DLGAP2: variants seen among roughly 807,000 people sequenced by gnomAD.
DLGAP2 encodes the protein DLG associated protein 2, also known as disks large-associated protein 2.
Under a neutral mutation model 100.3 loss-of-function variants are expected in DLGAP2, and 26 were observed. The observed-to-expected ratio is 0.26, with a 90% CI of 0.19 to 0.36. DLGAP2 has a LOEUF of 0.36. Ranked by LOEUF, DLGAP2 falls within the 10% of genes least tolerant of loss-of-function variation. DLGAP2 has a pLI of 1.00. For synonymous variants in DLGAP2, 886 were observed against 630.1 expected (o/e 1.41, Z -6.08); for missense variants, 1,858 against 1,453.2 (o/e 1.28, Z -4.53).
At chr8:1,093,299 T>C (rs565671302) in intron 2 of DLGAP2, among the ~76,000 whole-genome samples, 131 of 119,138 alleles carry the variant, frequency 1.1e-3, no homozygotes, top group African/African-American at 4.1e-3. Context: ...ACCTTCACAC[T>C]GACAGTCAGA....
chr8:1,094,559 T>A (rs1249009578), intron 2 of DLGAP2, among the ~76,000 whole-genome samples: 1 of 152,226 alleles, frequency 6.6e-6, no homozygotes, highest in Non-Finnish European at 1.5e-5. Flanking sequence ...CATCACACCT[T>A]CCAACATGTC....
intron 3 of DLGAP2, among the ~76,000 whole-genome samples, chr8:1,374,106 A>AGGTTAGGTTAGGTTTACAGAGGG (rs1335781856): frequency 7.3e-6 from 1 of 136,414 alleles, no homozygotes; most frequent in African/African-American, 2.9e-5. Flanking sequence ...TTTGCAGAGG[A>AGGTTAGGTTAGGTTTACAGAGGG]CTGTGTGGTG....
rs145205030 is a variant in DLGAP2 at position 1,556,692 on chromosome 8, A to G, written c.1230+7009A>G. Among the ~76,000 whole-genome samples, 310 of 152,314 alleles carry G rather than the reference A, an allele frequency of 2.0e-3. 2 individuals carry two copies. Among genetic ancestry groups the G allele is most frequent in the African/African-American group, 7.0e-3 (289 of 41,566 alleles). ...GTCTGTCTTGGTGTTAAGGAGTGGA[A>G]TGGAATCAAGTTTGTCCTTAAGAAA... On this transcript the variant is annotated intron_variant, in intron 5 of 14. Transcript: ENST00000637795.
intron 4 of DLGAP2, among the ~76,000 whole-genome samples, chr8:1,536,844 T>C (rs1801169044): frequency 6.6e-6 from 1 of 152,194 alleles, no homozygotes; most frequent in African/African-American, 2.4e-5. Context: ...AATTCCTCCC[T>C]GTAGGAGGCG....
chr8:1,230,014 C>A (rs1696270677), intron 2 of DLGAP2, among the ~76,000 whole-genome samples: 1 of 152,094 alleles, frequency 6.6e-6, no homozygotes, highest in Admixed American at 6.6e-5. Flanking sequence ...CTGGCCAGAA[C>A]AATCAGGCAA....
At position 1,588,738 on chromosome 8, in the gene DLGAP2, T is replaced by TAAAAA. The variant is rs11358700; in HGVS notation, c.1442+22864_1442+22868dup. On this transcript the variant is annotated intron_variant, in intron 6 of 14. Coordinates refer to ENST00000637795, the MANE Select transcript of DLGAP2 (RefSeq NM_001346810.2). ...CCAACATGGTGAAAGCTGTCTTTAC[T>TAAAAA]AAAAAAAAAAAAAAAAAAAAAAAAG... Among the ~76,000 whole-genome samples the TAAAAA allele has an allele frequency of 1.5e-4, 14 of 91,440 alleles. No homozygotes were observed. The East Asian group carries it at 3.1e-3, about 20-fold the overall frequency. 60.0% of individuals were successfully genotyped at this position (91,440 alleles called of 152,430 possible).
intron 7 of DLGAP2, among the ~76,000 whole-genome samples, chr8:1,627,848 G>C (rs919378271): frequency 2.0e-5 from 3 of 151,924 alleles, no homozygotes; most frequent in Non-Finnish European, 4.4e-5. Flanking sequence ...AAGAGCCTGA[G>C]CCGACCTCAC....
intron 3 of DLGAP2, among the ~76,000 whole-genome samples, chr8:1,381,780 C>CGTGTG (rs1796100046): frequency 3.0e-5 from 3 of 100,022 alleles, no homozygotes; most frequent in South Asian, 6.8e-4. Flanking sequence ...GAGGGTTATT[C>CGTGTG]TAGTGTGTGT....
chr8:1,282,561 GAACCCA>G (rs1799838919), intron 3 of DLGAP2, among the ~76,000 whole-genome samples: 1 of 117,992 alleles, frequency 8.5e-6, no homozygotes, highest in Non-Finnish European at 1.7e-5. Context: ...GGTGTGACCT[GAACCCA>G]GCACATGAAC....
chr8:1,040,356 C>CG (rs1802301872), intron 2 of DLGAP2, among the ~76,000 whole-genome samples: 1 of 146,828 alleles, frequency 6.8e-6, no homozygotes, highest in Non-Finnish European at 1.5e-5. Flanking sequence ...GTGGTCGGCT[C>CG]AGTGTGCGTG....
At chr8:1,381,925 C>T (rs1010860264) in intron 3 of DLGAP2, among the ~76,000 whole-genome samples, 4 of 151,694 alleles carry the variant, frequency 2.6e-5, no homozygotes, top group African/African-American at 9.7e-5. Context: ...TTGTCTGAAC[C>T]CCAGCACCAA....
intron 3 of DLGAP2, among the ~76,000 whole-genome samples, chr8:1,333,249 AGCAGAGCCCATGGTAGGCCAT>A (rs539083190): frequency 2.2e-4 from 33 of 152,188 alleles, no homozygotes; most frequent in African/African-American, 7.5e-4. Context: ...TGGCCAGGGG[AGCAGAGCCCATGGTAGGCCAT>A]GCAGAGCATG....
At chr8:769,766 C>T (rs1053670848) in intron 1 of DLGAP2, among the ~76,000 whole-genome samples, 1 of 152,128 alleles carries the variant, frequency 6.6e-6, no homozygotes, top group Non-Finnish European at 1.5e-5. Context: ...CCCTGGGATT[C>T]TTCCCATTAA....
intron 3 of DLGAP2, chr8:1,381,170 C>T (rs1219928691): frequency 1.3e-5 from 2 of 152,012 alleles, no homozygotes; most frequent in Admixed American, 6.6e-5. Context: ...GACAAGCAAC[C>T]AGAACAGGTG....
At chr8:764,672 C>T (rs780718990) in intron 1 of DLGAP2, among the ~76,000 whole-genome samples, 6 of 152,242 alleles carry the variant, frequency 3.9e-5, no homozygotes, top group Non-Finnish European at 2.9e-5. Flanking sequence ...TAACCTCTAC[C>T]GTAAGTACCA....
At chr8:1,125,423 G>C (rs1222526542) in intron 2 of DLGAP2, among the ~76,000 whole-genome samples, 1 of 152,134 alleles carries the variant, frequency 6.6e-6, no homozygotes, top group African/African-American at 2.4e-5. Context: ...CTATGATAGC[G>C]TGATGCTTGT....
chr8:1,456,953 G>A lies in DLGAP2; in HGVS notation c.107-44413G>A, dbSNP rs140553560. Among the ~76,000 whole-genome samples, 550 of 152,378 alleles carry A rather than the reference G, an allele frequency of 3.6e-3. 2 individuals are homozygous for A. Among genetic ancestry groups the A allele is most frequent in the African/African-American group, 0.012 (503 of 41,594 alleles). Reference sequence around the variant, plus strand: ...GGTCTCTCAGTGACAACACATCACAGCACACTAATGAGCGCTGGCGCCCAG... The same window carrying A: ...GGTCTCTCAGTGACAACACATCACAACACACTAATGAGCGCTGGCGCCCAG... On this transcript the variant is annotated intron_variant, in intron 3 of 14. Transcript: ENST00000637795.
At chr8:1,194,189 C>T (rs1213217136) in intron 2 of DLGAP2, among the ~76,000 whole-genome samples, 1 of 152,130 alleles carries the variant, frequency 6.6e-6, no homozygotes, top group Non-Finnish European at 1.5e-5. Flanking sequence ...AAACTGCCGC[C>T]TGTGGGAGGC....
chr8:1,213,529 G>A (rs745582042), intron 2 of DLGAP2, among the ~76,000 whole-genome samples: 1 of 152,084 alleles, frequency 6.6e-6, no homozygotes, highest in Non-Finnish European at 1.5e-5. Context: ...CCGTGTTTTA[G>A]TGAGGGATTT....
Sources: gnomAD v4.1 joint callset for allele counts (sites outside exome capture counted in the v4.1 genomes callset) on GRCh38, gnomAD v4.1.1 for gene constraint, MANE v1.5 for transcripts, NCBI Gene and HGNC (gene_info 2026-07-23, HGNC 2026-07-21) for gene names.